Variants in RBMS3 observed in about 807,000 individuals in gnomAD.
The protein encoded by RBMS3 is RNA-binding motif, single-stranded-interacting protein 3.
A neutral mutation model predicts 66.8 loss-of-function variants in RBMS3; 27 were observed. The ratio of observed to expected loss-of-function variants is 0.40; its 90% confidence interval spans 0.30 to 0.56. The LOEUF (loss-of-function observed/expected upper bound fraction) is 0.56, where lower values mean the gene tolerates loss of function less well. Among genes scored for constraint, RBMS3 ranks in the 20% least tolerant of loss-of-function variants. The pLI is 0.40. For missense variants in RBMS3, 513 were observed against 549.5 expected, an observed-to-expected ratio of 0.93 and a Z score of 0.66; for synonymous variants, 188 against 183.0, an observed-to-expected ratio of 1.03 and a Z score of -0.22.
intron 4 of RBMS3, chr3:29,698,099 A>G (rs2052364661): frequency 1.6e-6 from 1 of 622,348 alleles, no homozygotes; most frequent in African/African-American, 2.0e-5. Flanking sequence ...GCTTCATTTT[A>G]TGTGAGCTCC....
chr3:29,669,055 T>C (rs1348085931), intron 4 of RBMS3, among the ~76,000 whole-genome samples: 2 of 152,180 alleles, frequency 1.3e-5, no homozygotes, highest in Admixed American at 6.5e-5. Flanking sequence ...TCTGGAAAAT[T>C]GCCCTGGGCT....
At chr3:29,546,124 G>A (rs1017314750) in intron 3 of RBMS3, among the ~76,000 whole-genome samples, 1 of 127,538 alleles carries the variant, frequency 7.8e-6, no homozygotes, top group African/African-American at 2.6e-5. Flanking sequence ...GTGTGTGTGT[G>A]TGTGTGTGTG....
chr3:29,862,790 G>A (rs1293719152), intron 6 of RBMS3, among the ~76,000 whole-genome samples: 1 of 151,132 alleles, frequency 6.6e-6, no homozygotes, highest in Non-Finnish European at 1.5e-5. Context: ...GCTGAAGTGA[G>A]CTGAGATCCA....
At chr3:29,312,330 G>A (rs934260246) in intron 1 of RBMS3, among the ~76,000 whole-genome samples, 2 of 151,656 alleles carry the variant, frequency 1.3e-5, no homozygotes, top group Admixed American at 1.3e-4. Flanking sequence ...TTATGAATGT[G>A]CTTTTTGAAG....
chr3:29,451,289 T>C (rs573505863), intron 2 of RBMS3, among the ~76,000 whole-genome samples: 32 of 152,320 alleles, frequency 2.1e-4, no homozygotes, highest in African/African-American at 7.5e-4. Flanking sequence ...CTCAAAATGC[T>C]GAACCAAATA....
intron 2 of RBMS3, among the ~76,000 whole-genome samples, chr3:29,451,038 C>CA (rs1178642416): frequency 6.6e-6 from 1 of 152,104 alleles, no homozygotes; most frequent in East Asian, 1.9e-4. Flanking sequence ...GACTCCCCCA[C>CA]ATTTAGTTCA....
chr3:29,982,076 T>C (rs1425591287), intron 12 of RBMS3, among the ~76,000 whole-genome samples: 1 of 152,218 alleles, frequency 6.6e-6, no homozygotes, highest in Non-Finnish European at 1.5e-5. Flanking sequence ...GTTGGTAGGC[T>C]ATCAATTACT....
intron 2 of RBMS3, among the ~76,000 whole-genome samples, chr3:29,444,943 CTCTT>C (rs1380321198): frequency 1.3e-5 from 2 of 151,130 alleles, no homozygotes; most frequent in Non-Finnish European, 3.0e-5. Context: ...TCAGTAACTC[CTCTT>C]TCTTTCTTTT....
intron 1 of RBMS3, among the ~76,000 whole-genome samples, chr3:29,320,331 T>G (rs978852452): frequency 1.2e-4 from 19 of 152,198 alleles, no homozygotes; most frequent in South Asian, 6.2e-4. Flanking sequence ...CTCTTAAATA[T>G]CAAACTCCTT....
intron 3 of RBMS3, among the ~76,000 whole-genome samples, chr3:29,569,538 C>T (rs750764033): frequency 1.3e-5 from 2 of 152,052 alleles, no homozygotes; most frequent in South Asian, 4.1e-4. Context: ...CAAATTTTGT[C>T]TCATAAGATT....
In RBMS3 at chr3:29,627,300, G is replaced by GTC. The variant is rs111643715; in HGVS notation, c.399+40109_399+40110dup. Among the ~76,000 whole-genome samples the GTC allele has an allele frequency of 8.1e-3, 1,195 of 147,026 alleles. 16 individuals carry two copies. The highest frequency in any genetic ancestry group is 0.028 in the African/African-American group (1,119 of 39,996). On this transcript the variant is annotated intron_variant, in intron 4 of 14. Transcript: ENST00000383767. ...TTCTCTCTCTCTTCTCTCTCTCTCT[G>GTC]TCTCTCTCTCTCTCTTCTGCCTCGC...
intron 12 of RBMS3, among the ~76,000 whole-genome samples, chr3:29,971,878 G>C: frequency 6.6e-6 from 1 of 151,912 alleles, no homozygotes; most frequent in East Asian, 1.9e-4. Context: ...TTGTGTTGTA[G>C]GTGGATTAAA....
At position 29,752,700 on chromosome 3, in the gene RBMS3, A is replaced by G. The variant is rs528665921; in HGVS notation, c.558-10210A>G. Among the ~76,000 whole-genome samples the G allele has an allele frequency of 3.9e-5, 6 of 152,304 alleles. No individual in the cohort carries two copies. The South Asian group carries it at 1.2e-3, about 32-fold the overall frequency. On this transcript the variant is annotated intron_variant, in intron 5 of 14. Coordinates refer to ENST00000383767, the MANE Select transcript of RBMS3 (RefSeq NM_001003793.3). ...TAAGGTTCTCCATTTGCCAGTTTGC[A>G]AATAGTTTCTTTCCTCTTTAGACTC... is the stretch of plus-strand genomic sequence containing the variant.
At chr3:29,551,054 A>T (rs2046165138) in intron 3 of RBMS3, among the ~76,000 whole-genome samples, 2 of 152,202 alleles carry the variant, frequency 1.3e-5, no homozygotes, top group South Asian at 4.1e-4. Context: ...AGTTCTATGG[A>T]CATTTAAAGA....
chr3:29,944,279 G>C lies in RBMS3; in HGVS notation c.1098+25G>C, dbSNP rs200319229. ...GGTAGGAAAATTCTAATTCTTTTAA[G>C]ACTGGATTGGAGGGGAGAGATGGAG... On this transcript the variant is annotated intron_variant, in intron 12 of 14. Transcript: ENST00000383767. The C allele has an allele frequency of 2.1e-5, 32 of 1,552,718 alleles. No individual in the cohort carries two copies. The East Asian group carries it at 7.0e-4, about 34-fold the overall frequency.
At chr3:29,296,647 A>T (rs2033287504) in intron 1 of RBMS3, among the ~76,000 whole-genome samples, 1 of 151,850 alleles carries the variant, frequency 6.6e-6, no homozygotes, top group Non-Finnish European at 1.5e-5. Context: ...GATGACACAG[A>T]ACTATTTGCT....
intron 1 of RBMS3, among the ~76,000 whole-genome samples, chr3:29,301,687 CT>C (rs1315700331): frequency 6.6e-6 from 1 of 151,966 alleles, no homozygotes; most frequent in Non-Finnish European, 1.5e-5. Flanking sequence ...GACCGACTGA[CT>C]GTTTTATCTG....
At chr3:29,284,919 C>T (rs1221899254) in intron 1 of RBMS3, among the ~76,000 whole-genome samples, 7 of 125,110 alleles carry the variant, frequency 5.6e-5, no homozygotes, top group Non-Finnish European at 9.5e-5. Context: ...AACATTACTT[C>T]GCTTAAGGAA....
intron 4 of RBMS3, among the ~76,000 whole-genome samples, chr3:29,736,159 A>G (rs1278064082): frequency 6.6e-6 from 1 of 152,162 alleles, no homozygotes; most frequent in East Asian, 1.9e-4. Flanking sequence ...TTTAAATTCT[A>G]TTTTCAACCA....
Sources: allele counts gnomAD v4.1 joint callset (sites outside exome capture counted in the v4.1 genomes callset), GRCh38; gene constraint gnomAD v4.1.1; transcripts MANE v1.5; gene names NCBI Gene and HGNC (gene_info 2026-07-23, HGNC 2026-07-21).